Variants in CHLSN observed in about 807,000 individuals in gnomAD.
CHLSN encodes cholesin.
the CHLSN span, among the ~76,000 whole-genome samples, chr7:1,053,840 C>A: frequency 3.0e-4 from 45 of 152,168 alleles, no homozygotes; most frequent in African/African-American, 1.1e-3. Context: ...AAAACAAAAA[C>A]AAAACCAAAA....
the CHLSN span, among the ~76,000 whole-genome samples, chr7:981,487 C>T: frequency 1.3e-4 from 19 of 150,888 alleles, no homozygotes; most frequent in African/African-American, 4.1e-4. Context: ...CCGAGGCGGG[C>T]GGATCATGAT....
At chr7:1,032,865 C>T in the CHLSN span, among the ~76,000 whole-genome samples, 2 of 152,240 alleles carry the variant, frequency 1.3e-5, no homozygotes, top group East Asian at 3.8e-4. Context: ...CCCAAGCATC[C>T]TTCCTCCAGC....
the CHLSN span, among the ~76,000 whole-genome samples, chr7:1,116,822 T>A: frequency 1.7e-4 from 10 of 59,130 alleles, 3 homozygotes; most frequent in Admixed American, 1.1e-3. Context: ...GGGACCGGCT[T>A]CCATCACCGA....
At chr7:1,002,492 TG>T in the CHLSN span, among the ~76,000 whole-genome samples, 1 of 86,320 alleles carries the variant, frequency 1.2e-5, no homozygotes, top group Admixed American at 1.1e-4. Flanking sequence ...TGGGGAGTCC[TG>T]TGGGTGAGTG....
chr7:1,086,459 T>A, the CHLSN span, among the ~76,000 whole-genome samples: 5 of 152,250 alleles, frequency 3.3e-5, no homozygotes, highest in African/African-American at 1.2e-4. Flanking sequence ...AACTTTCTAC[T>A]GCTGGAAGAA....
the CHLSN span, among the ~76,000 whole-genome samples, chr7:1,130,535 C>A: frequency 0.14 from 22,001 of 152,052 alleles, 1,778 homozygotes; most frequent in Middle Eastern, 0.28. Context: ...GCCCCTGTCC[C>A]CACCCCTCCC....
chr7:1,057,532 G>A, the CHLSN span: 2 of 771,190 alleles, frequency 2.6e-6, no homozygotes, highest in Non-Finnish European at 4.8e-6. Context: ...AGCTGCAGCT[G>A]GTTCAACGGC....
chr7:1,104,021 A>G, the CHLSN span, among the ~76,000 whole-genome samples: 1 of 152,100 alleles, frequency 6.6e-6, no homozygotes, highest in African/African-American at 2.4e-5. Flanking sequence ...GGTGCCACCT[A>G]AGCACCAGCC....
At chr7:1,133,463 A>C in the CHLSN span, among the ~76,000 whole-genome samples, 1 of 151,416 alleles carries the variant, frequency 6.6e-6, no homozygotes, top group African/African-American at 2.4e-5. Flanking sequence ...TGTAACACCC[A>C]AGTGCGGCCA....
chr7:1,117,651 C>T, the CHLSN span, among the ~76,000 whole-genome samples: 13 of 147,348 alleles, frequency 8.8e-5, no homozygotes, highest in South Asian at 2.2e-4. Flanking sequence ...CTCTACGGAC[C>T]GGCTTCCATC....
At chr7:1,105,764 G>A in the CHLSN span, among the ~76,000 whole-genome samples, 1 of 152,132 alleles carries the variant, frequency 6.6e-6, no homozygotes, top group Non-Finnish European at 1.5e-5. Context: ...ACAGGCACAC[G>A]CCACGCTTGG....
At chr7:1,021,121 G>C in the CHLSN span, among the ~76,000 whole-genome samples, 1 of 151,818 alleles carries the variant, frequency 6.6e-6, no homozygotes, top group Non-Finnish European at 1.5e-5. Context: ...TCCAGGTTGG[G>C]AACCTCCAGG....
At chr7:983,440 C>A in the CHLSN span, 1 of 1,367,966 alleles carries the variant, frequency 7.3e-7, no homozygotes. Flanking sequence ...CGTGTCCTGG[C>A]CCCCCTCCTG....
At chr7:1,021,437 T>C in the CHLSN span, 10 of 985,326 alleles carry the variant, frequency 1.0e-5, no homozygotes, top group South Asian at 4.7e-4. Context: ...AGCCTTCCTG[T>C]CTTCATCCAT....
At chr7:983,063 C>A in the CHLSN span, 1 of 658,126 alleles carries the variant, frequency 1.5e-6, no homozygotes, top group Non-Finnish European at 2.3e-6. Flanking sequence ...TTTAAGCCAT[C>A]CGCTGGGGGC....
At chr7:1,000,487 T>C in the CHLSN span, 160 of 1,606,638 alleles carry the variant, frequency 1.0e-4, no homozygotes, top group Non-Finnish European at 1.3e-4. Flanking sequence ...CTGTCATACA[T>C]GTGCAGCAGG....
the CHLSN span, among the ~76,000 whole-genome samples, chr7:1,024,275 C>A: frequency 6.6e-6 from 1 of 152,196 alleles, no homozygotes; most frequent in African/African-American, 2.4e-5. Flanking sequence ...AGCTCAGAAG[C>A]CTCAGCTCAA....
At chr7:996,520 C>T in the CHLSN span, among the ~76,000 whole-genome samples, 1 of 152,216 alleles carries the variant, frequency 6.6e-6, no homozygotes, top group Non-Finnish European at 1.5e-5. Context: ...GGCAGCAGCA[C>T]CTGGGTGTCT....
the CHLSN span, among the ~76,000 whole-genome samples, chr7:1,136,006 TA>T: frequency 4.3e-5 from 5 of 115,872 alleles, no homozygotes; most frequent in East Asian, 1.2e-3. Context: ...AATATATATA[TA>T]AAATATATAT....
Sources: allele counts gnomAD v4.1 joint callset (sites outside exome capture counted in the v4.1 genomes callset), GRCh38; gene constraint gnomAD v4.1.1; transcripts MANE v1.5; gene names NCBI Gene and HGNC (gene_info 2026-07-23, HGNC 2026-07-21).